Variants in NAALADL2 observed in about 807,000 individuals in gnomAD.
NAALADL2 encodes the protein N-acetylated alpha-linked acidic dipeptidase like 2, also known as inactive N-acetylated-alpha-linked acidic dipeptidase-like protein 2.
NAALADL2 carries 76 observed loss-of-function variants against 87.2 expected under a neutral mutation model. The observed-to-expected ratio is 0.87, with a 90% CI of 0.72 to 1.05. NAALADL2 has a LOEUF of 1.05. Ranked by LOEUF, NAALADL2 falls within the 50% of genes least tolerant of loss-of-function variation. The pLI, the probability that NAALADL2 is intolerant of heterozygous loss-of-function variation, is 0.00. For missense variants in NAALADL2, 1,089 were observed against 945.8 expected, an observed-to-expected ratio of 1.15 and a Z score of -1.99; for synonymous variants, 354 against 331.0, an observed-to-expected ratio of 1.07 and a Z score of -0.75.
At chr3:175,353,474 AAAT>A (rs1444067884) in intron 5 of NAALADL2, among the ~76,000 whole-genome samples, 2 of 152,222 alleles carry the variant, frequency 1.3e-5, no homozygotes, top group South Asian at 2.1e-4. Context: ...GTTTCTATAT[AAAT>A]AATGATTATG....
intron 3 of NAALADL2, among the ~76,000 whole-genome samples, chr3:174,815,954 T>A (rs56901776): frequency 0.17 from 25,747 of 150,778 alleles, 2,488 homozygotes; most frequent in African/African-American, 0.25. Context: ...ACAGTCATAC[T>A]TGGAGGTACT....
intron 13 of NAALADL2, among the ~76,000 whole-genome samples, chr3:175,758,752 A>G (rs1030637524): frequency 1.3e-5 from 2 of 152,158 alleles, no homozygotes; most frequent in Non-Finnish European, 2.9e-5. Context: ...AAAATTGTTA[A>G]TTACATTGTA....
intron 1 of NAALADL2, among the ~76,000 whole-genome samples, chr3:174,445,207 T>C (rs2108261469): frequency 6.6e-6 from 1 of 152,234 alleles, no homozygotes; most frequent in East Asian, 1.9e-4. Context: ...AATTGATAAA[T>C]GCCTTATGAA....
intron 1 of NAALADL2, among the ~76,000 whole-genome samples, chr3:175,010,628 C>T (rs548720753): frequency 6.6e-6 from 1 of 152,254 alleles, no homozygotes; most frequent in African/African-American, 2.4e-5. Flanking sequence ...TGGATTCACC[C>T]ATCAAACAGT....
At chr3:175,132,268 C>A (rs1728138382) in intron 2 of NAALADL2, among the ~76,000 whole-genome samples, 1 of 14,646 alleles carries the variant, frequency 6.8e-5, no homozygotes, top group African/African-American at 6.2e-4. Flanking sequence ...GGGGGCTGAC[C>A]CCCCCACCTC....
intron 1 of NAALADL2, among the ~76,000 whole-genome samples, chr3:174,539,197 C>A (rs1267900028): frequency 1.3e-5 from 2 of 151,996 alleles, no homozygotes. Flanking sequence ...AAAGCAATAA[C>A]CAGTATGTCC....
intron 3 of NAALADL2, among the ~76,000 whole-genome samples, chr3:174,785,647 A>G (rs892855973): frequency 2.0e-5 from 3 of 152,170 alleles, no homozygotes; most frequent in Non-Finnish European, 4.4e-5. Flanking sequence ...TGTGACTATT[A>G]CACGTGATGT....
intron 2 of NAALADL2, among the ~76,000 whole-genome samples, chr3:175,137,931 A>T (rs1729377292): frequency 6.6e-6 from 1 of 152,010 alleles, no homozygotes; most frequent in Admixed American, 6.6e-5. Flanking sequence ...TCCGAGATTG[A>T]CCCAATTTTT....
intron 2 of NAALADL2, among the ~76,000 whole-genome samples, chr3:174,596,488 G>C (rs140527583): frequency 6.6e-6 from 1 of 152,100 alleles, no homozygotes; most frequent in Non-Finnish European, 1.5e-5. Flanking sequence ...CCACTTGGAG[G>C]GTTTGTTGAA....
Position 174,692,379 on chromosome 3 carries a change from T to C in NAALADL2, c.-114-45262T>C, listed in dbSNP as rs185468361. Among the ~76,000 whole-genome samples, 36 of 152,354 alleles carry C rather than the reference T, an allele frequency of 2.4e-4. No homozygotes were observed. In the East Asian group the frequency reaches 6.9e-3, roughly 29 times the overall value. ...AGGAGGGAAGAGAAAGAACAAGTTA[T>C]GGCTCAAGTGCATTAGTCTCTGTTC... On this transcript the variant is annotated intron_variant, in intron 2 of 3. Transcript: ENST00000434257.
rs1287367035 is a variant in NAALADL2, at chr3:175,314,696, A to AGTTC, written c.940-9479_940-9478insGTTC. ...TATATATATATATATATATATATATATATATATATATATATATATATATAT... is the reference window on the plus strand; with the variant it reads ...TATATATATATATATATATATATATAGTTCTATATATATATATATATATATATAT... On this transcript the variant is annotated intron_variant, in intron 4 of 13. Coordinates refer to ENST00000454872, the MANE Select transcript of NAALADL2 (RefSeq NM_207015.3). Among the ~76,000 whole-genome samples, 87 of 87,838 alleles carry AGTTC rather than the reference A, an allele frequency of 9.9e-4. 7 individuals are homozygous for AGTTC. The highest frequency in any genetic ancestry group is 2.6e-3 in the African/African-American group (55 of 21,440). The allele number at this position is 87,838 out of a possible 152,430, so 57.6% of individuals were successfully genotyped here.
chr3:174,732,555 T>C (rs1035721509), intron 2 of NAALADL2, among the ~76,000 whole-genome samples: 1 of 152,160 alleles, frequency 6.6e-6, no homozygotes, highest in Non-Finnish European at 1.5e-5. Context: ...GCTAAGATAG[T>C]CCTTGCCTTC....
At chr3:175,593,238 A>G (rs1248840212) in intron 10 of NAALADL2, among the ~76,000 whole-genome samples, 3 of 152,050 alleles carry the variant, frequency 2.0e-5, no homozygotes, top group Admixed American at 6.6e-5. Context: ...ACAATTCTTA[A>G]TGATACCATA....
chr3:175,185,403 G>A (rs1049323871), intron 2 of NAALADL2, among the ~76,000 whole-genome samples: 4 of 151,984 alleles, frequency 2.6e-5, no homozygotes, highest in Non-Finnish European at 5.9e-5. Context: ...GTAAGTGGTA[G>A]TATATCCACA....
At chr3:174,998,617 C>T (rs979843025) in intron 1 of NAALADL2, among the ~76,000 whole-genome samples, 2 of 152,134 alleles carry the variant, frequency 1.3e-5, no homozygotes, top group African/African-American at 4.8e-5. Context: ...TGCACATTTT[C>T]AGCTTTCAAA....
chr3:174,850,975 A>C (rs557280932), intron 3 of NAALADL2, among the ~76,000 whole-genome samples: 1 of 152,264 alleles, frequency 6.6e-6, no homozygotes, highest in South Asian at 2.1e-4. Flanking sequence ...GAAACTCTAC[A>C]AACACTTGAA....
At chr3:175,148,615 T>G (rs1316375950) in intron 2 of NAALADL2, among the ~76,000 whole-genome samples, 1 of 152,164 alleles carries the variant, frequency 6.6e-6, no homozygotes, top group Non-Finnish European at 1.5e-5. Context: ...TAGTTAGTTT[T>G]TGGCTATGAT....
chr3:174,846,721 A>G (rs1410365574), intron 3 of NAALADL2, among the ~76,000 whole-genome samples: 4 of 152,178 alleles, frequency 2.6e-5, no homozygotes, highest in Non-Finnish European at 5.9e-5. Context: ...GAGGAGTTAA[A>G]TGAGTTAAAT....
intron 1 of NAALADL2, among the ~76,000 whole-genome samples, chr3:175,087,576 T>C (rs9870388): frequency 0.24 from 36,152 of 152,102 alleles, 4,384 homozygotes; most frequent in East Asian, 0.33. Flanking sequence ...AAAATTCTTC[T>C]GCCTTGGGAT....
Sources: gnomAD v4.1 joint callset for allele counts (sites outside exome capture counted in the v4.1 genomes callset) on GRCh38, gnomAD v4.1.1 for gene constraint, MANE v1.5 for transcripts, NCBI Gene and HGNC (gene_info 2026-07-23, HGNC 2026-07-21) for gene names.